Variants in PCDHA12 observed in about 807,000 individuals in gnomAD.
PCDHA12 encodes the protein protocadherin alpha-12.
In PCDHA12, 44 loss-of-function variants were observed where a neutral mutation model predicts 60.0. The observed-to-expected ratio is 0.73, with a 90% CI of 0.58 to 0.94. The LOEUF (loss-of-function observed/expected upper bound fraction) is 0.94. Among genes scored for constraint, PCDHA12 ranks in the 40% least tolerant of loss-of-function variants. The pLI is 0.00. For missense variants in PCDHA12, 1,276 were observed against 1,239.7 expected (o/e 1.03, Z -0.44); for synonymous variants, 569 against 553.0 (o/e 1.03, Z -0.40).
chr5:140,942,617 TG>T (rs1223896117), intron 1 of PCDHA12, among the ~76,000 whole-genome samples: 4 of 100,138 alleles, frequency 4.0e-5, no homozygotes, highest in Admixed American at 9.6e-5. Flanking sequence ...ATTTGCCAAT[TG>T]TAAAAAAAAA....
chr5:140,875,765 G>T lies in PCDHA12; in HGVS notation c.293G>T (p.Arg98Leu), dbSNP rs1554167926. 1.2e-6 allele frequency: 2 copies of T among 1,614,252 alleles called. No homozygotes were observed. The highest frequency in any genetic ancestry group is 1.6e-4 in the Middle Eastern group (1 of 6,062). Residue 98 changes from arginine to leucine, a missense_variant, in exon 1 of 4, where the codon CGG becomes CTG. Arg to Leu is a moderately radical substitution (Grantham distance 102, BLOSUM62 -2). Transcript: ENST00000398631. Reference protein sequence around the residue: ...SRIDREKLCGRSAECSIHLEV... With the variant: ...SRIDREKLCGLSAECSIHLEV... ...ATCGACCGCGAGAAGCTGTGCGGGC[G>T]GAGCGCGGAGTGCAGTATCCACCTG...
Position 140,884,220 on chromosome 5 carries a change from T to G in PCDHA12, c.2367+6381T>G, listed in dbSNP as rs1469726535. 4 of 1,613,408 alleles carry G rather than the reference T, an allele frequency of 2.5e-6. No homozygotes were observed. The highest frequency in any genetic ancestry group is 3.4e-6 in the Non-Finnish European group (4 of 1,179,728). On this transcript the variant is annotated intron_variant, in intron 1 of 3. Transcript: ENST00000398631. ...CCGCACCACCGCCTTCTGGTGCTGG[T>G]GAAGGACCACGGTGAGCCCGCGCTG...
intron 1 of PCDHA12, among the ~76,000 whole-genome samples, chr5:140,975,004 T>C (rs1464460351): frequency 2.6e-5 from 4 of 152,170 alleles, no homozygotes; most frequent in African/African-American, 9.7e-5. Flanking sequence ...AAGGCTGAAA[T>C]GAACACAGCT....
At chr5:140,982,364 T>A in intron 2 of PCDHA12, 111 bp from the exon 3 acceptor site, 1 of 1,534,660 alleles carries the variant, frequency 6.5e-7, no homozygotes, top group Non-Finnish European at 8.8e-7. Flanking sequence ...ATGAGCAGAA[T>A]GTGTTAGCTG....
At chr5:140,900,079 C>T (rs1289822790) in intron 1 of PCDHA12, among the ~76,000 whole-genome samples, 11 of 152,066 alleles carry the variant, frequency 7.2e-5, no homozygotes, top group East Asian at 3.9e-4. Context: ...AAAAGTGCTG[C>T]AGTTACAAGC....
chr5:140,987,155 A>G (rs2097233368), intron 3 of PCDHA12, among the ~76,000 whole-genome samples: 1 of 151,902 alleles, frequency 6.6e-6, no homozygotes, highest in South Asian at 2.1e-4. Context: ...TGGAGGTTGC[A>G]GTGAGCTGAG....
rs782173743 is a variant in PCDHA12, at chr5:140,875,874, A to G, written c.402A>G (p.Arg134=). The part of the protein sequence containing the change: ...KDINDNPPVF[R]EREQKVPVSE... ...TTAACGACAACCCGCCGGTGTTCAG[A>G]GAAAGGGAACAAAAGGTACCTGTTT... The change falls in exon 1 of 4, where the codon AGA becomes AGG. Residue 134 remains arginine, a synonymous_variant. Transcript: ENST00000398631. 2 of 1,614,188 alleles carry G rather than the reference A, an allele frequency of 1.2e-6. No homozygotes were observed. The highest frequency in any genetic ancestry group is 4.5e-5 in the East Asian group (2 of 44,886).
At chr5:140,904,692 A>G (rs1484371560) in intron 1 of PCDHA12, among the ~76,000 whole-genome samples, 1 of 152,126 alleles carries the variant, frequency 6.6e-6, no homozygotes, top group Non-Finnish European at 1.5e-5. Context: ...GCAGTGTAAA[A>G]TTGTTCCCTT....
intron 3 of PCDHA12, among the ~76,000 whole-genome samples, chr5:140,999,519 G>A (rs1303009823): frequency 6.6e-6 from 1 of 152,074 alleles, no homozygotes; most frequent in Non-Finnish European, 1.5e-5. Context: ...TAAGCATTTT[G>A]TTACCCCCTG....
At chr5:140,884,577 T>C (rs2060274481) in intron 1 of PCDHA12, 2 of 1,614,230 alleles carry the variant, frequency 1.2e-6, no homozygotes, top group East Asian at 4.5e-5. Context: ...ACGGACCTCA[T>C]GGCCTTCAGT....
In PCDHA12 at chr5:140,937,571, C is replaced by T. The variant is rs188926211; in HGVS notation, c.2368-41378C>T. 1.3e-4 allele frequency among the ~76,000 whole-genome samples: 20 copies of T among 151,578 alleles called. No homozygotes were observed. The East Asian group carries it at 2.7e-3, about 21-fold the overall frequency. On this transcript the variant is annotated intron_variant, in intron 1 of 3. Coordinates refer to ENST00000398631, the MANE Select transcript of PCDHA12 (RefSeq NM_018903.4). Reference sequence around the variant, plus strand: ...GGCAGAGGTTGCAGTGAGCTGGGATCGCGTCACTGCACTCTAGCCTGGGCA... The same window carrying T: ...GGCAGAGGTTGCAGTGAGCTGGGATTGCGTCACTGCACTCTAGCCTGGGCA...
intron 3 of PCDHA12, among the ~76,000 whole-genome samples, chr5:140,985,796 G>GTGC (rs1245486198): frequency 7.1e-6 from 1 of 140,828 alleles, no homozygotes; most frequent in Non-Finnish European, 1.5e-5. Flanking sequence ...CTGGAGTGCA[G>GTGC]TGGCACGATC....
At chr5:140,933,003 G>A (rs1466484630) in intron 1 of PCDHA12, among the ~76,000 whole-genome samples, 5 of 151,902 alleles carry the variant, frequency 3.3e-5, no homozygotes, top group East Asian at 1.9e-4. Flanking sequence ...TATGAATATC[G>A]GAAATATTAA....
intron 1 of PCDHA12, among the ~76,000 whole-genome samples, chr5:140,963,141 A>T (rs2095739692): frequency 6.6e-6 from 1 of 152,148 alleles, no homozygotes; most frequent in Non-Finnish European, 1.5e-5. Flanking sequence ...AATTATTTGG[A>T]TGAATTTAAA....
At chr5:141,005,960 TA>T (rs1322848010) in intron 3 of PCDHA12, among the ~76,000 whole-genome samples, 2 of 151,500 alleles carry the variant, frequency 1.3e-5, no homozygotes, top group Non-Finnish European at 2.9e-5. Context: ...CAAACAACAA[TA>T]AAAAAACAAT....
At chr5:140,925,641 T>TATAATAATAATAATA (rs10569930) in intron 1 of PCDHA12, among the ~76,000 whole-genome samples, 21 of 143,352 alleles carry the variant, frequency 1.5e-4, no homozygotes, top group East Asian at 6.1e-4. Context: ...GAACTTAAAG[T>TATAATAATAATAATA]ATAATAATAA....
chr5:140,877,093 G>T lies in PCDHA12; in HGVS notation c.1621G>T (p.Gly541Cys), dbSNP rs2056846978. ...GTTCCAGGTGAGCGCGCGCGACGCC[G>T]GCGTGCCGCCTCTGGGCAGCAACGT... The part of the protein sequence containing the change: ...LQFQVSARDA[G>C]VPPLGSNVTL... Residue 541 changes from glycine (G) to cysteine (C), a missense_variant, in exon 1 of 4, where the codon GGC (glycine) becomes TGC (cysteine). Transcript: ENST00000398631. The T allele has an allele frequency of 6.2e-7, 1 of 1,613,178 alleles. No individual in the cohort carries two copies. Among genetic ancestry groups the T allele is most frequent in the African/African-American group, 1.3e-5 (1 of 74,908 alleles).
chr5:141,000,080 G>T (rs1554257118), intron 3 of PCDHA12, among the ~76,000 whole-genome samples: 1 of 152,068 alleles, frequency 6.6e-6, no homozygotes, highest in Non-Finnish European at 1.5e-5. Context: ...ACAATGCTAG[G>T]CCTGTGAATG....
chr5:140,954,161 C>G (rs2094990748), intron 1 of PCDHA12, among the ~76,000 whole-genome samples: 1 of 152,200 alleles, frequency 6.6e-6, no homozygotes, highest in African/African-American at 2.4e-5. Context: ...ATATGTACCA[C>G]ATTTTCTTTA....
Sources: gnomAD v4.1 joint callset for allele counts (sites outside exome capture counted in the v4.1 genomes callset) on GRCh38, gnomAD v4.1.1 for gene constraint, MANE v1.5 for transcripts, NCBI Gene and HGNC (gene_info 2026-07-23, HGNC 2026-07-21) for gene names.